Variants in PTPRD observed in about 807,000 individuals in gnomAD.
The protein encoded by PTPRD is receptor-type tyrosine-protein phosphatase delta.
A neutral mutation model predicts 214.5 loss-of-function variants in PTPRD; 34 were observed. The ratio of observed to expected loss-of-function variants is 0.16; its 90% confidence interval spans 0.12 to 0.21. The LOEUF is 0.21. PTPRD is among the 10% of genes least tolerant of loss of function. The probability of loss-of-function intolerance (pLI) is 1.00; values close to 1 mark genes in which losing one functional copy is unlikely to be tolerated. For missense variants in PTPRD, 2,545 were observed against 2,398.7 expected (o/e 1.06, Z -1.27); for synonymous variants, 1,128 against 845.7 (o/e 1.33, Z -5.79).
intron 11 of PTPRD, among the ~76,000 whole-genome samples, chr9:8,970,862 T>C (rs1016560387): frequency 6.6e-6 from 1 of 151,286 alleles, no homozygotes; most frequent in Non-Finnish European, 1.5e-5. Context: ...TACTTCTGAG[T>C]TGAAGAGAGC....
At chr9:8,519,970 G>A (rs2097857193) in intron 20 of PTPRD, among the ~76,000 whole-genome samples, 2 of 152,100 alleles carry the variant, frequency 1.3e-5, no homozygotes, top group Admixed American at 1.3e-4. Context: ...ACTACTCAAA[G>A]AACTACAGAA....
intron 2 of PTPRD, among the ~76,000 whole-genome samples, chr9:10,607,262 T>C (rs556836406): frequency 6.6e-6 from 1 of 152,054 alleles, no homozygotes; most frequent in Admixed American, 6.6e-5. Context: ...GACTCATTAT[T>C]AAAGGCAACG....
chr9:8,597,113 C>T (rs11792966), intron 14 of PTPRD, among the ~76,000 whole-genome samples: 15,680 of 152,066 alleles, frequency 0.1, 885 homozygotes, highest in East Asian at 0.19. Flanking sequence ...CAAATGACTG[C>T]CATTATCAAT....
intron 8 of PTPRD, among the ~76,000 whole-genome samples, chr9:9,444,958 A>T (rs1324054581): frequency 6.6e-6 from 1 of 152,030 alleles, no homozygotes; most frequent in Non-Finnish European, 1.5e-5. Flanking sequence ...TTTTAACCTA[A>T]TTTTCTTGCT....
chr9:10,486,182 TTTAA>T (rs1254084484), intron 2 of PTPRD, among the ~76,000 whole-genome samples: 1 of 152,146 alleles, frequency 6.6e-6, no homozygotes, highest in Non-Finnish European at 1.5e-5. Flanking sequence ...AGCTCTATAG[TTTAA>T]TTAGATCCCA....
chr9:10,318,349 T>A (rs1239268782), intron 3 of PTPRD, among the ~76,000 whole-genome samples: 3 of 152,032 alleles, frequency 2.0e-5, no homozygotes, highest in Non-Finnish European at 2.9e-5. Context: ...GTATCTTTGA[T>A]TCTTAACTTT....
intron 9 of PTPRD, among the ~76,000 whole-genome samples, chr9:9,274,650 T>G (rs10977628): frequency 0.11 from 15,895 of 151,168 alleles, 1,056 homozygotes; most frequent in Non-Finnish European, 0.14. Flanking sequence ...TTGAAAGAAC[T>G]TGAACATATT....
In PTPRD at chr9:8,460,927, T is replaced by C. The variant is rs370932668; in HGVS notation, c.3715-356A>G. On this transcript the variant is annotated intron_variant, in intron 32 of 45. Coordinates refer to ENST00000381196, the MANE Select transcript of PTPRD (RefSeq NM_002839.4). ...GCAAAATGTTTAATGAACATTTACA[T>C]TGTGCCAAGGCGTTAGGTGCTGTGT... Among the ~76,000 whole-genome samples, 4 of 152,090 alleles carry C rather than the reference T, an allele frequency of 2.6e-5. No homozygotes were observed. In the East Asian group the frequency reaches 5.8e-4, roughly 22 times the overall value.
At chr9:10,098,171 T>A (rs977366977) in intron 3 of PTPRD, among the ~76,000 whole-genome samples, 2 of 151,588 alleles carry the variant, frequency 1.3e-5, no homozygotes, top group Non-Finnish European at 2.9e-5. Context: ...CCATAAAAAA[T>A]GATGAGTTCA....
At position 10,146,274 on chromosome 9, in the gene PTPRD, T is replaced by A. The variant is rs1002539423; in HGVS notation, c.-544-112484A>T. Among the ~76,000 whole-genome samples the A allele has an allele frequency of 7.9e-5, 12 of 151,872 alleles. 1 individual carries two copies. The East Asian group carries it at 2.3e-3, about 29-fold the overall frequency. On this transcript the variant is annotated intron_variant, in intron 3 of 45. Transcript: ENST00000381196. The stretch of plus-strand genomic sequence containing the variant: ...ATACATACATATATACATACATACA[T>A]AAATTTATTCAATGAACAATTTAGT...
chr9:10,437,234 T>C (rs2098725278), intron 2 of PTPRD, among the ~76,000 whole-genome samples: 1 of 151,826 alleles, frequency 6.6e-6, no homozygotes, highest in Non-Finnish European at 1.5e-5. Flanking sequence ...CCAATATCTT[T>C]TAACAGAAAG....
chr9:8,936,857 C>A (rs1753656948), intron 11 of PTPRD, among the ~76,000 whole-genome samples: 1 of 152,094 alleles, frequency 6.6e-6, no homozygotes, highest in Non-Finnish European at 1.5e-5. Context: ...ACAGAATTCA[C>A]TTTGAGATTT....
intron 5 of PTPRD, among the ~76,000 whole-genome samples, chr9:9,841,686 G>A (rs980234905): frequency 6.6e-6 from 1 of 152,022 alleles, no homozygotes; most frequent in Non-Finnish European, 1.5e-5. Flanking sequence ...ATTTTTAGTG[G>A]TAAAACTAAA....
At position 9,479,514 on chromosome 9, in the gene PTPRD, A is replaced by G. The variant is rs935254362; in HGVS notation, c.-236-82032T>C. Among the ~76,000 whole-genome samples, 3 of 152,184 alleles carry G rather than the reference A, an allele frequency of 2.0e-5. No individual in the cohort carries two copies. In the East Asian group the frequency reaches 5.8e-4, roughly 29 times the overall value. ...TCCCTGACATCATTACAAGGTAGGC[A>G]GTATTTCTATGCCAATTTTACAAGT... is the stretch of plus-strand genomic sequence containing the variant. On this transcript the variant is annotated intron_variant, in intron 8 of 45. Coordinates refer to ENST00000381196, the MANE Select transcript of PTPRD (RefSeq NM_002839.4).
At chr9:10,278,228 T>TA (rs1004178900) in intron 3 of PTPRD, among the ~76,000 whole-genome samples, 6 of 152,136 alleles carry the variant, frequency 3.9e-5, no homozygotes, top group African/African-American at 1.4e-4. Flanking sequence ...AGAAAGTTAT[T>TA]AAAAAATAAT....
chr9:8,959,039 T>C (rs1443174101), intron 11 of PTPRD, among the ~76,000 whole-genome samples: 2 of 152,046 alleles, frequency 1.3e-5, no homozygotes, highest in Non-Finnish European at 1.5e-5. Context: ...ACGTATCTGA[T>C]TCCAAATGCC....
At chr9:8,389,192 G>C in intron 37 of PTPRD, 40 bp downstream of exon 37, 2 of 1,551,538 alleles carry the variant, frequency 1.3e-6, no homozygotes, top group Non-Finnish European at 1.7e-6. Context: ...GACTCTGAGG[G>C]AAAATTTTTA....
chr9:9,142,359 A>C (rs1270417575), intron 10 of PTPRD, among the ~76,000 whole-genome samples: 1 of 152,180 alleles, frequency 6.6e-6, no homozygotes, highest in Non-Finnish European at 1.5e-5. Context: ...TCCCTAGCTG[A>C]GGTTTTAGAA....
chr9:8,720,987 C>A (rs2098488155), intron 12 of PTPRD, among the ~76,000 whole-genome samples: 1 of 151,898 alleles, frequency 6.6e-6, no homozygotes, highest in Non-Finnish European at 1.5e-5. Context: ...GGTCCTTCCC[C>A]ATCACCTATT....
Sources: gnomAD v4.1 joint callset for allele counts (sites outside exome capture counted in the v4.1 genomes callset) on GRCh38, gnomAD v4.1.1 for gene constraint, MANE v1.5 for transcripts, NCBI Gene and HGNC (gene_info 2026-07-23, HGNC 2026-07-21) for gene names.